TMEM59: variants seen among roughly 807,000 people sequenced by gnomAD.
The protein encoded by TMEM59 is transmembrane protein 59.
Under a neutral mutation model 42.2 loss-of-function variants are expected in TMEM59, and 44 were observed. The observed-to-expected ratio is 1.04, with a 90% CI of 0.82 to 1.34. TMEM59 has a LOEUF of 1.34. TMEM59 is among the 40% of genes most tolerant of loss of function. The probability of loss-of-function intolerance (pLI) is 0.00; values close to 1 mark genes in which losing one functional copy is unlikely to be tolerated. For synonymous variants in TMEM59, 148 were observed against 145.8 expected (o/e 1.02, Z -0.11); for missense variants, 359 against 382.8 (o/e 0.94, Z 0.52).
chr1:54,038,220 C>G (rs993694108), intron 6 of TMEM59, among the ~76,000 whole-genome samples: 1 of 152,096 alleles, frequency 6.6e-6, no homozygotes, highest in Non-Finnish European at 1.5e-5. Flanking sequence ...GTAATGTACC[C>G]TATACACATT....
intron 7 of TMEM59, 105 bp downstream of exon 7, chr1:54,036,501 TTCTC>T (rs1656953831): frequency 2.7e-6 from 2 of 739,516 alleles, no homozygotes; most frequent in Non-Finnish European, 4.1e-6. Flanking sequence ...CCACCACATC[TTCTC>T]TCTTTCTATT....
intron 4 of TMEM59, among the ~76,000 whole-genome samples, chr1:54,042,275 T>C (rs1294292232): frequency 3.9e-5 from 6 of 152,190 alleles, no homozygotes; most frequent in Admixed American, 3.9e-4. Context: ...AAACACTCCA[T>C]ACTTTTTACA....
intron 6 of TMEM59, among the ~76,000 whole-genome samples, chr1:54,039,144 G>A (rs1053009333): frequency 3.3e-5 from 5 of 152,062 alleles, no homozygotes; most frequent in Non-Finnish European, 4.4e-5. Context: ...CACCGCACTC[G>A]GCCAAAAGAA....
rs1657109701 is a variant in TMEM59, at chr1:54,040,747, AATAC to A, written c.707+5_707+8del. On this transcript the variant is annotated splice_donor_5th_base_variant and intron_variant, in intron 6 of 7. Transcript: ENST00000234831. The stretch of plus-strand genomic sequence containing the variant: ...ATCTGTTATACACATAATAAAGAGG[AATAC>A]ATACAGAGAGAGGCATCTTAAAAAG... The A allele has an allele frequency of 1.2e-6, 2 of 1,602,434 alleles. No individual in the cohort carries two copies. Among genetic ancestry groups the A allele is most frequent in the Admixed American group, 1.7e-5 (1 of 59,972 alleles).
intron 6 of TMEM59, among the ~76,000 whole-genome samples, chr1:54,039,152 G>T (rs551423463): frequency 1.8e-4 from 28 of 152,086 alleles, no homozygotes; most frequent in Non-Finnish European, 3.2e-4. Flanking sequence ...TCGGCCAAAA[G>T]AATAATTTTT....
upstream of TMEM59, chr1:54,053,288 T>A: frequency 6.9e-7 from 1 of 1,441,108 alleles, no homozygotes; most frequent in Non-Finnish European, 9.3e-7. Context: ...CCACCGACCG[T>A]TGCTTCCGCC....
rs113383219 is a variant in TMEM59 at position 54,040,954 on chromosome 1, T to C, written c.626-117A>G. The C allele has an allele frequency of 1.3e-4, 97 of 752,166 alleles. 2 individuals carry two copies. In the African/African-American group the frequency reaches 1.4e-3, roughly 11 times the overall value. 46.6% of individuals were successfully genotyped at this position (752,166 alleles called of 1,614,324 possible). ...TCCAATTGTTTTTGTTTGTGTCATC[T>C]GATACATTTTATAATGTGTACCAGT... On this transcript the variant is annotated intron_variant, in intron 5 of 7. Coordinates refer to ENST00000234831, the MANE Select transcript of TMEM59 (RefSeq NM_004872.5).
At chr1:54,036,977 G>C (rs993997822) in intron 6 of TMEM59, among the ~76,000 whole-genome samples, 16 of 152,112 alleles carry the variant, frequency 1.1e-4, no homozygotes, top group African/African-American at 3.6e-4. Flanking sequence ...AATAAAATCA[G>C]ATATACTTGA....
intron 6 of TMEM59, among the ~76,000 whole-genome samples, chr1:54,038,987 G>T (rs1657047565): frequency 6.6e-6 from 1 of 152,152 alleles, no homozygotes; most frequent in South Asian, 2.1e-4. Flanking sequence ...GGGACTACAG[G>T]TGTGTGCCAC....
chr1:54,049,837 T>A (rs1657468678), intron 1 of TMEM59, among the ~76,000 whole-genome samples: 1 of 152,030 alleles, frequency 6.6e-6, no homozygotes. Context: ...AAAAAATAAA[T>A]AAATAGAAGT....
At chr1:54,041,991 C>T (rs939645719) in intron 4 of TMEM59, among the ~76,000 whole-genome samples, 186 bp from the exon 5 acceptor site, 1 of 151,070 alleles carries the variant, frequency 6.6e-6, no homozygotes, top group African/African-American at 2.4e-5. Flanking sequence ...AGAGCCAGTG[C>T]CTTGCAAAGA....
intron 1 of TMEM59, among the ~76,000 whole-genome samples, chr1:54,051,137 G>A (rs962361970): frequency 2.6e-5 from 4 of 152,172 alleles, no homozygotes; most frequent in African/African-American, 9.7e-5. Flanking sequence ...TTACAAGCGT[G>A]AGCCATCGCA....
chr1:54,042,268 C>T (rs1266440204), intron 4 of TMEM59, among the ~76,000 whole-genome samples: 1 of 152,044 alleles, frequency 6.6e-6, no homozygotes, highest in African/African-American at 2.4e-5. Flanking sequence ...TACAGCCAAA[C>T]ACTCCATACT....
rs963877128 is a variant in TMEM59 at position 54,047,572 on chromosome 1, AG to A, written c.190-201del. The A allele has an allele frequency of 3.1e-5, 15 of 488,434 alleles. No homozygotes were observed. In the Admixed American group the frequency reaches 4.3e-4, roughly 14 times the overall value. The allele number at this position is 488,434 out of a possible 1,614,324, so 30.3% of individuals were successfully genotyped here. A position where few individuals can be genotyped will look rare whatever the true frequency, so the allele number is the denominator to read the frequency against. ...AGAGGTTTTAGTTCCTTATTTTAAA[AG>A]TGATACGAAGAAAAAAGCCTAGTAG... On this transcript the variant is annotated intron_variant, in intron 1 of 7. Transcript: ENST00000234831.
At chr1:54,048,807 C>T (rs1002207096) in intron 1 of TMEM59, 7 of 232,064 alleles carry the variant, frequency 3.0e-5, no homozygotes, top group Middle Eastern at 9.1e-4. Context: ...GAAGAGATGC[C>T]TGCAGTCTAA....
intron 4 of TMEM59, among the ~76,000 whole-genome samples, 198 bp from the exon 5 acceptor site, chr1:54,042,003 A>G (rs1369701861): frequency 6.6e-6 from 1 of 152,100 alleles, no homozygotes; most frequent in East Asian, 1.9e-4. Context: ...TTGCAAAGAA[A>G]CAGATTTCTG....
intron 4 of TMEM59, 97 bp from the exon 5 acceptor site, chr1:54,041,902 G>C: frequency 1.1e-6 from 1 of 913,912 alleles, no homozygotes; most frequent in East Asian, 2.5e-5. Flanking sequence ...CATTTAAATT[G>C]AGAAAAAGTA....
chr1:54,038,725 T>C (rs1657037721), intron 6 of TMEM59, among the ~76,000 whole-genome samples: 1 of 152,226 alleles, frequency 6.6e-6, no homozygotes, highest in South Asian at 2.1e-4. Context: ...GCTAACATAG[T>C]GACTGTATAA....
intron 1 of TMEM59, among the ~76,000 whole-genome samples, chr1:54,048,408 T>C (rs144191152): frequency 1.3e-5 from 2 of 152,342 alleles, no homozygotes; most frequent in East Asian, 1.9e-4. Context: ...ATTTCCAGTA[T>C]AGTGCCTGGG....
Sources: allele counts gnomAD v4.1 joint callset (sites outside exome capture counted in the v4.1 genomes callset), GRCh38; gene constraint gnomAD v4.1.1; transcripts MANE v1.5; gene names NCBI Gene and HGNC (gene_info 2026-07-23, HGNC 2026-07-21).